TMEM268: variants seen among roughly 807,000 people sequenced by gnomAD.
TMEM268 encodes transmembrane protein C9orf91.
In TMEM268, 24 loss-of-function variants were observed where a neutral mutation model predicts 39.1. The observed-to-expected ratio is 0.61, with a 90% CI of 0.44 to 0.86. The LOEUF (loss-of-function observed/expected upper bound fraction) is 0.86, where lower values mean the gene tolerates loss of function less well. Ranked by LOEUF, TMEM268 falls within the 40% of genes least tolerant of loss-of-function variation. The pLI, the probability that TMEM268 is intolerant of heterozygous loss-of-function variation, is 0.00. For synonymous variants in TMEM268, 176 were observed against 173.5 expected, an observed-to-expected ratio of 1.01 and a Z score of -0.12; for missense variants, 409 against 428.6, an observed-to-expected ratio of 0.95 and a Z score of 0.40.
chr9:114,632,946 C>G (rs1020934364), intron 5 of TMEM268, among the ~76,000 whole-genome samples: 1 of 152,180 alleles, frequency 6.6e-6, no homozygotes. Context: ...CCAGGGCTGT[C>G]TGACACTATT....
upstream of TMEM268, among the ~76,000 whole-genome samples, chr9:114,609,397 G>A (rs1845408925): frequency 6.6e-6 from 1 of 152,148 alleles, no homozygotes; most frequent in Non-Finnish European, 1.5e-5. Flanking sequence ...GGCCAGGCAT[G>A]GTGGCTTGCA....
intron 1 of TMEM268, among the ~76,000 whole-genome samples, chr9:114,612,668 C>G (rs1031096685): frequency 6.6e-6 from 1 of 152,188 alleles, no homozygotes; most frequent in Non-Finnish European, 1.5e-5. Context: ...TGGCACTGGC[C>G]TCTCTTGGCT....
At chr9:114,638,470 T>C in intron 7 of TMEM268, 74 bp from the exon 8 acceptor site, 2 of 1,184,416 alleles carry the variant, frequency 1.7e-6, no homozygotes, top group Non-Finnish European at 2.3e-6. Context: ...GGTCTGCAGC[T>C]TGGGGAGGGA....
intron 5 of TMEM268, among the ~76,000 whole-genome samples, chr9:114,631,441 C>T (rs1564295158): frequency 6.6e-6 from 1 of 152,162 alleles, no homozygotes; most frequent in Non-Finnish European, 1.5e-5. Context: ...GTCATCCTCA[C>T]TGTGATATTA....
chr9:114,646,303 G>C lies in TMEM268; in HGVS notation c.*2990G>C, dbSNP rs1589369074. ...GTCTCATTCCTCATCTATAGGATGG[G>C]AATAAGAGCATGTACCTGGCAGGTT... On this transcript the variant is annotated 3_prime_UTR_variant, in exon 9 of 9. Transcript: ENST00000288502. The C allele has an allele frequency of 6.6e-6, 1 of 152,336 alleles. No homozygotes were observed. The highest frequency in any genetic ancestry group is 6.5e-5 in the Admixed American group (1 of 15,300). The allele number at this position is 152,336 out of a possible 1,614,324, so 9.4% of individuals were successfully genotyped here. A position where few individuals can be genotyped will look rare whatever the true frequency, so the allele number is the denominator to read the frequency against.
intron 7 of TMEM268, among the ~76,000 whole-genome samples, chr9:114,638,223 G>T (rs890516523): frequency 1.1e-4 from 17 of 152,128 alleles, no homozygotes; most frequent in African/African-American, 4.1e-4. Context: ...TGTATTTTTA[G>T]TGGTGACTGG....
rs552235383 is a variant in TMEM268 at position 114,640,056 on chromosome 9, TAA to T, written c.849+1341_849+1342del. ...TGAGCACTGTGCCCTGCCAAAATAT[TAA>T]AAAAAAAAAAGAGAGAAATGATAAC... On this transcript the variant is annotated intron_variant, in intron 8 of 8. Coordinates refer to ENST00000288502, the MANE Select transcript of TMEM268 (RefSeq NM_153045.4). Among the ~76,000 whole-genome samples, 10 of 140,864 alleles carry T rather than the reference TAA, an allele frequency of 7.1e-5. No homozygotes were observed. In the East Asian group the frequency reaches 1.6e-3, roughly 23 times the overall value. 92.4% of individuals were successfully genotyped at this position (140,864 alleles called of 152,430 possible). A position where few individuals can be genotyped will look rare whatever the true frequency, so the allele number is the denominator to read the frequency against.
chr9:114,628,038 A>C (rs1846232703), intron 4 of TMEM268, 63 bp from the exon 5 acceptor site: 1 of 1,583,516 alleles, frequency 6.3e-7, no homozygotes, highest in Non-Finnish European at 8.7e-7. Context: ...TGTCCCTTTG[A>C]ATGGAGCTGC....
At chr9:114,622,941 T>G (rs6478093) in intron 2 of TMEM268, among the ~76,000 whole-genome samples, 134,086 of 151,842 alleles carry the variant, frequency 0.88, 59,294 homozygotes, top group Non-Finnish European at 0.9. Flanking sequence ...AATACAAAAA[T>G]TAGCCAGGCA....
chr9:114,635,635 C>T (rs1390440928), intron 6 of TMEM268, among the ~76,000 whole-genome samples: 1 of 151,946 alleles, frequency 6.6e-6, no homozygotes, highest in African/African-American at 2.4e-5. Flanking sequence ...GCTGTGATCG[C>T]GCCACTGCGC....
At chr9:114,623,368 A>G (rs1476704567) in intron 2 of TMEM268, among the ~76,000 whole-genome samples, 1 of 151,892 alleles carries the variant, frequency 6.6e-6, no homozygotes, top group Non-Finnish European at 1.5e-5. Context: ...CTGGTCTCGA[A>G]CTCCTGACCT....
intron 6 of TMEM268, among the ~76,000 whole-genome samples, chr9:114,635,414 C>A (rs990367455): frequency 2.6e-5 from 4 of 151,866 alleles, no homozygotes; most frequent in African/African-American, 9.7e-5. Flanking sequence ...CAGTGGCTCA[C>A]CCCTATAATC....
At chr9:114,605,065 C>T in the TMEM268 span, among the ~76,000 whole-genome samples, 1 of 152,160 alleles carries the variant, frequency 6.6e-6, no homozygotes, top group Admixed American at 6.5e-5. Context: ...GAGTAAGGCC[C>T]GTAACTAACA....
intron 1 of TMEM268, among the ~76,000 whole-genome samples, chr9:114,613,720 A>G (rs1845596789): frequency 6.6e-6 from 1 of 152,198 alleles, no homozygotes; most frequent in Non-Finnish European, 1.5e-5. Flanking sequence ...TTGCCTGGGA[A>G]ATGCAGTCTC....
Position 114,617,222 on chromosome 9 carries a change from G to T in TMEM268, c.27G>T (p.Pro9=). 3 of 1,608,258 alleles carry T rather than the reference G, an allele frequency of 1.9e-6. No individual in the cohort carries two copies. The highest frequency in any genetic ancestry group is 2.5e-6 in the Non-Finnish European group (3 of 1,177,348). MACEPQVD[P]GATGPLPPSS... is the part of the protein sequence containing the mutation. ...TGGCCTGTGAACCACAGGTGGACCC[G>T]GGGGCCACTGGCCCATTGCCCCCCT... Residue 9 remains proline, a synonymous_variant, in exon 2 of 9, where the codon CCG becomes CCT. Transcript: ENST00000288502.
At chr9:114,605,158 G>A in the TMEM268 span, among the ~76,000 whole-genome samples, 17 of 152,180 alleles carry the variant, frequency 1.1e-4, no homozygotes, top group Non-Finnish European at 2.1e-4. Flanking sequence ...GAAAAGAAAC[G>A]CTTTGATCAG....
At chr9:114,616,313 C>CTGATTTTTT (rs1845709847) in intron 1 of TMEM268, among the ~76,000 whole-genome samples, 1 of 151,738 alleles carries the variant, frequency 6.6e-6, no homozygotes, top group African/African-American at 2.4e-5. Flanking sequence ...CCGCGCCTGG[C>CTGATTTTTT]TTCTTTTTCA....
chr9:114,614,218 G>T (rs1845613481), intron 1 of TMEM268, among the ~76,000 whole-genome samples: 1 of 152,198 alleles, frequency 6.6e-6, no homozygotes, highest in African/African-American at 2.4e-5. Flanking sequence ...TTCATAGTTT[G>T]CTGCTTTGTA....
intron 1 of TMEM268, among the ~76,000 whole-genome samples, chr9:114,615,103 G>A (rs1030476318): frequency 1.8e-4 from 27 of 151,924 alleles, no homozygotes; most frequent in Admixed American, 3.9e-4. Context: ...CACCATGTTT[G>A]CCAGGCTGGT....
Sources: gnomAD v4.1 joint callset for allele counts (sites outside exome capture counted in the v4.1 genomes callset) on GRCh38, gnomAD v4.1.1 for gene constraint, MANE v1.5 for transcripts, NCBI Gene and HGNC (gene_info 2026-07-23, HGNC 2026-07-21) for gene names.